The following VPS13D variants were observed in gnomAD, a reference collection of about 807,000 sequenced individuals.
VPS13D encodes intermembrane lipid transfer protein VPS13D.
A neutral mutation model predicts 461.9 loss-of-function variants in VPS13D; 187 were observed. The ratio of observed to expected loss-of-function variants is 0.40; its 90% CI spans 0.36 to 0.46. The LOEUF (loss-of-function observed/expected upper bound fraction) is 0.46, where lower values mean the gene tolerates loss of function less well. Among genes scored for constraint, VPS13D ranks in the 20% least tolerant of loss-of-function variants. VPS13D has a pLI of 0.60. For missense variants in VPS13D, 4,711 were observed against 5,364.9 expected (o/e 0.88, Z 3.81); for synonymous variants, 1,951 against 1,986.3 (o/e 0.98, Z 0.47).
chr1:12,335,548 G>A lies in VPS13D; in HGVS notation c.8429-157G>A, dbSNP rs147861855. ...TCATGGTAATCTCTTTCAGTGGAGC[G>A]TGAGGCTCTCCAGGGCATAGACTTT... On this transcript the variant is annotated intron_variant, in intron 38 of 69. Coordinates refer to ENST00000620676, the MANE Select transcript of VPS13D (RefSeq NM_015378.4). Among the ~76,000 whole-genome samples the A allele has an allele frequency of 3.3e-4, 51 of 152,250 alleles. 1 individual carries two copies. Among genetic ancestry groups the A allele is most frequent in the African/African-American group, 3.9e-4 (16 of 41,536 alleles).
In VPS13D at chr1:12,276,172, T is replaced by C. The variant is rs1641605680; in HGVS notation, c.2584T>C (p.Leu862=). 1 of 1,614,012 alleles carries C rather than the reference T, an allele frequency of 6.2e-7. No individual in the cohort carries two copies. Among genetic ancestry groups the C allele is most frequent in the African/African-American group, 1.3e-5 (1 of 74,904 alleles). The change falls in exon 19 of 70, where the codon TTG becomes CTG. Residue 862 remains leucine (L), a synonymous_variant. Transcript: ENST00000620676. The surrounding 1 kb of genome is among the most constrained non-coding windows in gnomAD (Gnocchi z 4.5). ...FNVHLQLERR[L]IYTSDPKYPG... is the part of the protein sequence containing the mutation. The stretch of plus-strand genomic sequence containing the variant: ...CGTTCACCTACAGTTAGAGCGTCGA[T>C]TGATTTATACTTCAGATCCCAAATA...
rs530661370 is a variant in VPS13D, at chr1:12,443,602, C to T, written c.12334-12396C>T. Among the ~76,000 whole-genome samples, 4 of 152,170 alleles carry T rather than the reference C, an allele frequency of 2.6e-5. No homozygotes were observed. In the East Asian group the frequency reaches 7.7e-4, roughly 29 times the overall value. Reference sequence around the variant, plus strand: ...ACCAGTTGACCTCCATTTGCCTTTTCCTGTCTTTTTTGCTGTTATTGTCAT... The same window carrying T: ...ACCAGTTGACCTCCATTTGCCTTTTTCTGTCTTTTTTGCTGTTATTGTCAT... On this transcript the variant is annotated intron_variant, in intron 65 of 69. Coordinates refer to ENST00000620676, the MANE Select transcript of VPS13D (RefSeq NM_015378.4).
intron 65 of VPS13D, among the ~76,000 whole-genome samples, chr1:12,428,563 C>T (rs567684585): frequency 3.9e-5 from 6 of 152,264 alleles, no homozygotes; most frequent in African/African-American, 7.2e-5. Flanking sequence ...CCTCCCCTTG[C>T]GCTTGTACTC....
chr1:12,464,510 G>A (rs1442601256), intron 67 of VPS13D, among the ~76,000 whole-genome samples: 1 of 152,176 alleles, frequency 6.6e-6, no homozygotes, highest in African/African-American at 2.4e-5. Flanking sequence ...CTGAAAAGTG[G>A]CCTTACAGGA....
chr1:12,306,232 G>A (rs544464467), intron 26 of VPS13D, among the ~76,000 whole-genome samples: 5 of 152,120 alleles, frequency 3.3e-5, no homozygotes, highest in South Asian at 2.1e-4. Context: ...GATCCGCCCC[G>A]ATTTCACAGA....
At chr1:12,313,977 A>G in intron 29 of VPS13D, 138 bp from the exon 30 acceptor site, 1 of 723,594 alleles carries the variant, frequency 1.4e-6, no homozygotes, top group Non-Finnish European at 2.3e-6. Context: ...AATCAACAAG[A>G]AAACTCAGAA....
chr1:12,327,918 G>A, intron 36 of VPS13D, 64 bp downstream of exon 36: 1 of 1,521,370 alleles, frequency 6.6e-7, no homozygotes, highest in Non-Finnish European at 8.8e-7. Context: ...AATTATTTGG[G>A]GCCTTTTTTT....
In VPS13D at chr1:12,271,130, T is replaced by C. The variant is rs1641428745; in HGVS notation, c.2103+6T>C. The C allele has an allele frequency of 6.2e-7, 1 of 1,613,976 alleles. No homozygotes were observed. Among genetic ancestry groups the C allele is most frequent in the African/African-American group, 1.3e-5 (1 of 75,016 alleles). ...TGCTAGTGGGTGATTTCATTGTAAG[T>C]GGGCATCCATAAACACTCTTTGGGG... On this transcript the variant is annotated splice_donor_region_variant and intron_variant, in intron 17 of 69. Coordinates refer to ENST00000620676, the MANE Select transcript of VPS13D (RefSeq NM_015378.4).
chr1:12,479,021 G>T, intron 67 of VPS13D: 1 of 397,618 alleles, frequency 2.5e-6, no homozygotes. Context: ...GTGGAAGGCC[G>T]CCCCACGGAG....
At chr1:12,419,910 G>A (rs1376566730) in intron 65 of VPS13D, among the ~76,000 whole-genome samples, 3 of 152,216 alleles carry the variant, frequency 2.0e-5, no homozygotes, top group South Asian at 2.1e-4. Flanking sequence ...CTCGGCTATC[G>A]GCTCCTAGGC....
Position 12,373,802 on chromosome 1 carries a change from G to A in VPS13D, c.10861G>A (p.Ala3621Thr). The A allele has an allele frequency of 1.2e-6, 2 of 1,605,242 alleles. No individual in the cohort carries two copies. Among genetic ancestry groups the A allele is most frequent in the Non-Finnish European group, 1.7e-6 (2 of 1,175,800 alleles). Residue 3621 changes from alanine to threonine, a missense_variant, in exon 55 of 70, where the codon GCG (alanine) becomes ACG (threonine). By Grantham distance (58) the Ala-to-Thr change is moderately conservative. This residue lies in a region of VPS13D where 4,411 missense variants were observed against 4,937.8 expected (regional missense o/e 0.89). Coordinates refer to ENST00000620676, the MANE Select transcript of VPS13D (RefSeq NM_015378.4). The part of the protein sequence containing the change: ...PVASNKAITC[A>T]ELVLDVSPKT... ...GGCTTCCAACAAGGCCATTACCTGT[G>A]CGGAGCTCGTTTTGGATGTCTCACC...
At position 12,244,520 on chromosome 1, in the gene VPS13D, G is replaced by A. The variant is rs1382933361; in HGVS notation, c.367-17G>A. On this transcript the variant is annotated splice_polypyrimidine_tract_variant and intron_variant, in intron 4 of 69. Coordinates refer to ENST00000620676, the MANE Select transcript of VPS13D (RefSeq NM_015378.4). ...AAGAACACTAGATTGAGCTAATGCT[G>A]ACTCTTGTCTTTGTAGAATGACCGC... 6.2e-7 allele frequency: 1 copy of A among 1,613,970 alleles called. No homozygotes were observed. The highest frequency in any genetic ancestry group is 1.3e-5 in the African/African-American group (1 of 74,940).
intron 30 of VPS13D, among the ~76,000 whole-genome samples, chr1:12,316,130 T>C (rs1188359239): frequency 6.6e-6 from 1 of 152,192 alleles, no homozygotes; most frequent in Non-Finnish European, 1.5e-5. Context: ...ACATTTCTTT[T>C]TGAGTTTACT....
intron 65 of VPS13D, among the ~76,000 whole-genome samples, chr1:12,440,290 G>T (rs1473423293): frequency 6.6e-6 from 1 of 152,206 alleles, no homozygotes; most frequent in African/African-American, 2.4e-5. Flanking sequence ...TGCTTTGGGG[G>T]TTTTCAGTGA....
In VPS13D at chr1:12,373,798, C is replaced by T; in HGVS notation, c.10857C>T (p.Thr3619=). ...GRPVASNKAI[T]CAELVLDVSP... is the part of the protein sequence containing the mutation. The stretch of plus-strand genomic sequence containing the variant: ...CTGTGGCTTCCAACAAGGCCATTAC[C>T]TGTGCGGAGCTCGTTTTGGATGTCT... The change falls in exon 55 of 70, where the codon ACC becomes ACT. Residue 3619 remains threonine, a synonymous_variant. Coordinates refer to ENST00000620676, the MANE Select transcript of VPS13D (RefSeq NM_015378.4). The T allele has an allele frequency of 6.2e-7, 1 of 1,600,446 alleles. No individual in the cohort carries two copies. The highest frequency in any genetic ancestry group is 8.5e-7 in the Non-Finnish European group (1 of 1,173,710).
chr1:12,249,311 T>C lies in VPS13D; in HGVS notation c.536T>C (p.Val179Ala). Residue 179 changes from valine (V) to alanine (A), a missense_variant, in exon 6 of 70, where the codon GTG becomes GCG. This residue lies in a region of VPS13D where 4,411 missense variants were observed against 4,937.8 expected (regional missense o/e 0.89). Transcript: ENST00000620676. ...PFAFGICIKN[V>A]SMQNAVNEPV... ...GCTTTTGGCATCTGCATTAAGAATG[T>C]GTCCATGCAAAATGCTGTGAATGAG... 6.2e-7 allele frequency: 1 copy of C among 1,613,818 alleles called. No individual in the cohort carries two copies. Among genetic ancestry groups the C allele is most frequent in the Non-Finnish European group, 8.5e-7 (1 of 1,179,890 alleles).
At chr1:12,434,420 G>A (rs1231991476) in intron 65 of VPS13D, among the ~76,000 whole-genome samples, 1 of 152,138 alleles carries the variant, frequency 6.6e-6, no homozygotes, top group African/African-American at 2.4e-5. Context: ...GGTTGAGGTG[G>A]CGGTGGTAGC....
At chr1:12,471,723 C>T (rs1444542867) in intron 67 of VPS13D, among the ~76,000 whole-genome samples, 2 of 152,232 alleles carry the variant, frequency 1.3e-5, no homozygotes, top group African/African-American at 4.8e-5. Flanking sequence ...CCCAGTGAAG[C>T]CCCCCACCCA....
intron 24 of VPS13D, among the ~76,000 whole-genome samples, chr1:12,295,448 C>T (rs1642249922): frequency 6.6e-6 from 1 of 152,036 alleles, no homozygotes; most frequent in Non-Finnish European, 1.5e-5. Flanking sequence ...CTGGAAGCAA[C>T]GAGTGCTGTC....
Sources: gnomAD v4.1 joint callset for allele counts (sites outside exome capture counted in the v4.1 genomes callset) on GRCh38, gnomAD v4.1.1 for gene constraint, gnomAD v4.1.1 regional missense constraint, Gnocchi (gnomAD v3.1) non-coding constraint, MANE v1.5 for transcripts, NCBI Gene and HGNC (gene_info 2026-07-23, HGNC 2026-07-21) for gene names.